The following RHBDL2 variants were observed in gnomAD, a reference collection of about 807,000 sequenced individuals.
RHBDL2 encodes rhomboid-related protein 2.
RHBDL2 carries 26 observed loss-of-function variants against 31.7 expected under a neutral mutation model. That is an observed-to-expected ratio of 0.82 (90% confidence interval 0.60 to 1.14). The LOEUF (loss-of-function observed/expected upper bound fraction) is 1.14, where lower values mean the gene tolerates loss of function less well. Ranked by LOEUF, RHBDL2 falls within the 50% of genes most tolerant of loss-of-function variation. The pLI is 0.00. For missense variants in RHBDL2, 336 were observed against 364.4 expected, an observed-to-expected ratio of 0.92 and a Z score of 0.63; for synonymous variants, 123 against 127.2, an observed-to-expected ratio of 0.97 and a Z score of 0.22.
At chr1:38,909,284 G>A (rs948702136) in intron 4 of RHBDL2, among the ~76,000 whole-genome samples, 17 of 152,236 alleles carry the variant, frequency 1.1e-4, no homozygotes, top group African/African-American at 4.1e-4. Context: ...GCCCTAGCCA[G>A]GCACTATGCC....
chr1:38,904,919 T>C (rs1398181087), intron 4 of RHBDL2, among the ~76,000 whole-genome samples: 1 of 149,186 alleles, frequency 6.7e-6, no homozygotes, highest in Non-Finnish European at 1.5e-5. Flanking sequence ...TAGTCCCAGC[T>C]ACTCGGGAGG....
chr1:38,920,904 C>T (rs577714617), intron 1 of RHBDL2, among the ~76,000 whole-genome samples: 11 of 152,084 alleles, frequency 7.2e-5, no homozygotes, highest in African/African-American at 1.2e-4. Context: ...CATGAGCCAC[C>T]GCACCTGGCA....
At chr1:38,934,215 G>A (rs1643467475) in intron 1 of RHBDL2, among the ~76,000 whole-genome samples, 1 of 152,018 alleles carries the variant, frequency 6.6e-6, no homozygotes, top group African/African-American at 2.4e-5. Flanking sequence ...AGGCGTTATG[G>A]CGGGTGCCTG....
At chr1:38,907,555 C>A (rs12098031) in intron 4 of RHBDL2, among the ~76,000 whole-genome samples, 3,057 of 150,682 alleles carry the variant, frequency 0.02, 94 homozygotes, top group African/African-American at 0.071. Context: ...TAAATAAATA[C>A]ATAAAATTAA....
chr1:38,901,692 C>T (rs1181247021), intron 4 of RHBDL2, among the ~76,000 whole-genome samples: 2 of 151,168 alleles, frequency 1.3e-5, no homozygotes, highest in Non-Finnish European at 3.0e-5. Context: ...AAAAATTAGC[C>T]GGGCATGGTG....
intron 1 of RHBDL2, among the ~76,000 whole-genome samples, chr1:38,928,285 G>A (rs1334937457): frequency 2.6e-5 from 4 of 151,780 alleles, no homozygotes; most frequent in Non-Finnish European, 5.9e-5. Flanking sequence ...GGGATTACAG[G>A]TGCCTGCCAC....
At chr1:38,934,615 C>T (rs1229942053) in intron 1 of RHBDL2, among the ~76,000 whole-genome samples, 7 of 140,732 alleles carry the variant, frequency 5.0e-5, no homozygotes, top group African/African-American at 1.6e-4. Flanking sequence ...ATGCAGAGAT[C>T]GCGCCACTGC....
At chr1:38,909,163 A>C (rs1263763171) in intron 4 of RHBDL2, among the ~76,000 whole-genome samples, 2 of 152,174 alleles carry the variant, frequency 1.3e-5, no homozygotes, top group East Asian at 3.9e-4. Flanking sequence ...TTTTATAGGC[A>C]CAGGATGGGG....
At chr1:38,911,730 C>G (rs2124326371) in intron 3 of RHBDL2, among the ~76,000 whole-genome samples, 1 of 152,118 alleles carries the variant, frequency 6.6e-6, no homozygotes, top group East Asian at 1.9e-4. Context: ...ACCTCTGCCT[C>G]AAGGGTTCAA....
chr1:38,916,693 C>CAAAAAAAAAAAA (rs1286281973), intron 2 of RHBDL2, among the ~76,000 whole-genome samples: 1 of 134,584 alleles, frequency 7.4e-6, no homozygotes, highest in Admixed American at 7.9e-5. Flanking sequence ...ACTAAAAATA[C>CAAAAAAAAAAAA]AAAAAAAACA....
At chr1:38,887,819 C>T in intron 7 of RHBDL2, 144 bp downstream of exon 7, 1 of 602,342 alleles carries the variant, frequency 1.7e-6, no homozygotes, top group Admixed American at 3.0e-5. Flanking sequence ...AAGGACAATT[C>T]AAAAGTCTGA....
At chr1:38,927,990 A>G (rs1404533564) in intron 1 of RHBDL2, among the ~76,000 whole-genome samples, 2 of 152,118 alleles carry the variant, frequency 1.3e-5, no homozygotes, top group African/African-American at 2.4e-5. Context: ...TGTGATTTCT[A>G]CGCACCAAGT....
chr1:38,908,034 T>C (rs999612730), intron 4 of RHBDL2, among the ~76,000 whole-genome samples: 1 of 150,654 alleles, frequency 6.6e-6, no homozygotes, highest in African/African-American at 2.4e-5. Flanking sequence ...CCCTCAAAAT[T>C]CAACAGTTAA....
chr1:38,918,318 A>G (rs1381236709), intron 2 of RHBDL2, among the ~76,000 whole-genome samples: 2 of 152,272 alleles, frequency 1.3e-5, no homozygotes, highest in African/African-American at 4.8e-5. Context: ...ACAGGCAGCC[A>G]TGGTTGGCCA....
intron 1 of RHBDL2, among the ~76,000 whole-genome samples, chr1:38,932,232 TAAA>T (rs769452113): frequency 7.1e-6 from 1 of 141,404 alleles, no homozygotes. Flanking sequence ...TTGCCTGATT[TAAA>T]AAAAAAAAAA....
At chr1:38,926,713 G>C (rs1570939459) in intron 1 of RHBDL2, 1 of 152,390 alleles carries the variant, frequency 6.6e-6, no homozygotes, top group Middle Eastern at 3.4e-3. Context: ...GGTGGCAGAT[G>C]CCTTTAATCC....
At chr1:38,925,499 AGAGT>A (rs1179233414) in intron 1 of RHBDL2, among the ~76,000 whole-genome samples, 1 of 151,414 alleles carries the variant, frequency 6.6e-6, no homozygotes, top group Non-Finnish European at 1.5e-5. Context: ...CCTGGGCGAC[AGAGT>A]GAGATTCTGT....
rs1301890291 is a variant in RHBDL2, at chr1:38,897,724, C to A, written c.509-1655G>T. On this transcript the variant is annotated intron_variant, in intron 4 of 7. Coordinates refer to ENST00000372990, the MANE Select transcript of RHBDL2 (RefSeq NM_017821.5). ...AGGAAGACCTCTCCCCTCACCCCCA[C>A]ACACAAAAGGATTGGATAAGAAAAA... Among the ~76,000 whole-genome samples the A allele has an allele frequency of 2.0e-5, 3 of 152,034 alleles. 1 individual carries two copies. Among genetic ancestry groups the A allele is most frequent in the Admixed American group, 2.0e-4 (3 of 15,250 alleles).
chr1:38,919,135 T>C lies in RHBDL2; in HGVS notation c.78A>G (p.Glu26=). The change falls in exon 2 of 8, where the codon GAA becomes GAG. Residue 26 remains glutamate (E), a synonymous_variant. Coordinates refer to ENST00000372990, the MANE Select transcript of RHBDL2 (RefSeq NM_017821.5). ...MGREMKEELE[E]EEKMREDGGG... Reference sequence around the variant, plus strand: ...CCCCATCCTCTCTCATTTTCTCCTCTTCCTCCAGCTCTTCTTTCATCTCTC... The same window carrying C: ...CCCCATCCTCTCTCATTTTCTCCTCCTCCTCCAGCTCTTCTTTCATCTCTC... The C allele has an allele frequency of 6.2e-7, 1 of 1,614,140 alleles. No homozygotes were observed. The highest frequency in any genetic ancestry group is 8.5e-7 in the Non-Finnish European group (1 of 1,180,022).
Sources: allele counts gnomAD v4.1 joint callset (sites outside exome capture counted in the v4.1 genomes callset), GRCh38; gene constraint gnomAD v4.1.1; transcripts MANE v1.5; gene names NCBI Gene and HGNC (gene_info 2026-07-23, HGNC 2026-07-21).